HHAT: variants seen among roughly 807,000 people sequenced by gnomAD.
HHAT encodes protein-cysteine N-palmitoyltransferase HHAT.
A neutral mutation model predicts 70.8 loss-of-function variants in HHAT; 47 were observed. The ratio of observed to expected loss-of-function variants is 0.66; its 90% CI spans 0.53 to 0.85. The LOEUF (loss-of-function observed/expected upper bound fraction) is 0.85, where lower values mean the gene tolerates loss of function less well. Ranked by LOEUF, HHAT falls within the 40% of genes least tolerant of loss-of-function variation. HHAT has a pLI of 0.00. For missense variants in HHAT, 609 were observed against 604.8 expected (o/e 1.01, Z -0.07); for synonymous variants, 228 against 247.6 (o/e 0.92, Z 0.74).
At chr1:210,358,976 G>T (rs2087955778) in intron 2 of HHAT, among the ~76,000 whole-genome samples, 1 of 152,218 alleles carries the variant, frequency 6.6e-6, no homozygotes, top group Admixed American at 6.5e-5. Flanking sequence ...TCCTTTTGTG[G>T]AAGGGAAGAA....
At chr1:210,587,079 G>A (rs775682113) in intron 9 of HHAT, among the ~76,000 whole-genome samples, 5 of 152,168 alleles carry the variant, frequency 3.3e-5, no homozygotes, top group African/African-American at 4.8e-5. Context: ...GTTTAGGAAC[G>A]TGATCTTACC....
intron 11 of HHAT, among the ~76,000 whole-genome samples, chr1:210,667,380 C>CAATAAATAAATA (rs3067940): frequency 0.03 from 4,475 of 150,458 alleles, 116 homozygotes; most frequent in Middle Eastern, 0.041. Flanking sequence ...GAAACTCCGT[C>CAATAAATAAATA]AATAAATAAA....
chr1:210,531,680 C>A (rs2095316241), intron 9 of HHAT, among the ~76,000 whole-genome samples: 1 of 152,162 alleles, frequency 6.6e-6, no homozygotes, highest in Non-Finnish European at 1.5e-5. Context: ...TCCATCAGTC[C>A]ACAATACCAT....
chr1:210,644,370 A>G (rs1006762262), intron 11 of HHAT, among the ~76,000 whole-genome samples: 13 of 152,176 alleles, frequency 8.5e-5, no homozygotes, highest in African/African-American at 3.1e-4. Flanking sequence ...TGGGAGGCCA[A>G]CGCAGGCGGA....
In HHAT at chr1:210,427,180, C is replaced by T. The variant is rs1027886644; in HGVS notation, c.856+8855C>T. On this transcript the variant is annotated intron_variant, in intron 7 of 11. Coordinates refer to ENST00000261458, the MANE Select transcript of HHAT (RefSeq NM_018194.6). The stretch of plus-strand genomic sequence containing the variant: ...TTCTGTGGGGTCAGTGGTAATATCC[C>T]CCTTGTTTCTTATTGTGTTCATTTG... Among the ~76,000 whole-genome samples the T allele has an allele frequency of 9.2e-5, 14 of 151,906 alleles. No homozygotes were observed. In the South Asian group the frequency reaches 1.5e-3, roughly 16 times the overall value.
At chr1:210,537,211 C>A (rs189012233) in intron 9 of HHAT, among the ~76,000 whole-genome samples, 24 of 152,258 alleles carry the variant, frequency 1.6e-4, no homozygotes, top group Admixed American at 1.5e-3. Context: ...AGAAATTTCT[C>A]TTACTTTGGC....
intron 8 of HHAT, among the ~76,000 whole-genome samples, chr1:210,489,449 T>C (rs976179369): frequency 6.6e-6 from 1 of 152,164 alleles, no homozygotes; most frequent in African/African-American, 2.4e-5. Context: ...TAAACACCAA[T>C]TAAAGCCTTC....
At chr1:210,441,149 A>G (rs2093498002) in intron 7 of HHAT, among the ~76,000 whole-genome samples, 1 of 152,216 alleles carries the variant, frequency 6.6e-6, no homozygotes, top group Admixed American at 6.5e-5. Context: ...GGCCTATTCA[A>G]AGTGCAGAGG....
intron 8 of HHAT, among the ~76,000 whole-genome samples, chr1:210,485,462 A>G (rs1233271647): frequency 1.3e-5 from 2 of 152,120 alleles, no homozygotes; most frequent in African/African-American, 4.8e-5. Context: ...AGCAGAACTG[A>G]CACACGGACC....
At chr1:210,612,296 C>G (rs1666754497) in intron 10 of HHAT, among the ~76,000 whole-genome samples, 1 of 152,176 alleles carries the variant, frequency 6.6e-6, no homozygotes, top group Non-Finnish European at 1.5e-5. Context: ...TCATCCTAAT[C>G]TGAAACCTCT....
At chr1:210,476,474 A>C (rs1047473483) in intron 8 of HHAT, among the ~76,000 whole-genome samples, 2 of 152,142 alleles carry the variant, frequency 1.3e-5, no homozygotes, top group African/African-American at 4.8e-5. Flanking sequence ...CCAACCTTCT[A>C]TTAGAAATTC....
rs1036625076 is a variant in HHAT at position 210,420,098 on chromosome 1, A to G, written c.856+1773A>G. Among the ~76,000 whole-genome samples, 5 of 152,332 alleles carry G rather than the reference A, an allele frequency of 3.3e-5. No individual in the cohort carries two copies. In the East Asian group the frequency reaches 7.7e-4, roughly 23 times the overall value. ...TAGAAGCCCTTAGTTTGTACTCGTA[A>G]TCCCATCAGCCTCTATTACCCTCTC... On this transcript the variant is annotated intron_variant, in intron 7 of 11. Transcript: ENST00000261458.
intron 10 of HHAT, among the ~76,000 whole-genome samples, chr1:210,593,027 C>T (rs888838192): frequency 3.9e-5 from 6 of 152,144 alleles, no homozygotes; most frequent in Non-Finnish European, 5.9e-5. Context: ...TATCCCTCCC[C>T]GCTTCCCCCA....
At chr1:210,586,275 C>CA (rs556222842) in intron 9 of HHAT, among the ~76,000 whole-genome samples, 2 of 151,900 alleles carry the variant, frequency 1.3e-5, no homozygotes, top group Non-Finnish European at 1.5e-5. Context: ...ATCATCTCTA[C>CA]AAAAAAAGTT....
chr1:210,517,822 TA>T (rs1375879828), intron 9 of HHAT, among the ~76,000 whole-genome samples: 2 of 148,496 alleles, frequency 1.3e-5, no homozygotes, highest in Non-Finnish European at 2.9e-5. Context: ...TTTTGTCAGT[TA>T]AAAAATAATA....
In HHAT at chr1:210,623,663, C is replaced by T. The variant is rs771591411; in HGVS notation, c.1383C>T (p.Phe461=). 3.1e-6 allele frequency: 5 copies of T among 1,613,854 alleles called. 1 individual carries two copies. The South Asian group carries it at 3.3e-5, about 11-fold the overall frequency. ...GGAAAACCTACTGGAATAGGATCTT[C>T]ATACAAGGTAAGTTGCTTGACAGTG... The part of the protein sequence containing the change: ...EVGKTYWNRI[F]IQGWPWVTLS... The change falls in exon 11 of 12, where the codon TTC becomes TTT. Residue 461 remains phenylalanine (F), a synonymous_variant. Coordinates refer to ENST00000261458, the MANE Select transcript of HHAT (RefSeq NM_018194.6).
chr1:210,397,762 C>T (rs898608549), intron 4 of HHAT, among the ~76,000 whole-genome samples: 3 of 152,308 alleles, frequency 2.0e-5, no homozygotes, highest in South Asian at 4.1e-4. Context: ...AGCTCTTCTG[C>T]TGCCCAAAGA....
chr1:210,396,814 C>T (rs902183676), intron 4 of HHAT, among the ~76,000 whole-genome samples: 1 of 152,088 alleles, frequency 6.6e-6, no homozygotes, highest in Admixed American at 6.6e-5. Context: ...GGAAATTACG[C>T]TGAGTGAAAA....
At chr1:210,574,080 G>A (rs2501907) in intron 9 of HHAT, among the ~76,000 whole-genome samples, 123,970 of 152,160 alleles carry the variant, frequency 0.81, 51,231 homozygotes, top group East Asian at 0.99. Flanking sequence ...AATCCTGCAT[G>A]CTGTCAGGCC....
Sources: gnomAD v4.1 joint callset for allele counts (sites outside exome capture counted in the v4.1 genomes callset) on GRCh38, gnomAD v4.1.1 for gene constraint, MANE v1.5 for transcripts, NCBI Gene and HGNC (gene_info 2026-07-23, HGNC 2026-07-21) for gene names.